The following ENTPD1 variants were observed in gnomAD, a reference collection of about 807,000 sequenced individuals.
ENTPD1 encodes the protein ectonucleoside triphosphate diphosphohydrolase 1, also known as ATP diphosphohydrolase.
A neutral mutation model predicts 57.0 loss-of-function variants in ENTPD1; 33 were observed. That is an observed-to-expected ratio of 0.58 (90% confidence interval 0.44 to 0.77). ENTPD1 has a LOEUF of 0.77. Ranked by LOEUF, ENTPD1 falls within the 30% of genes least tolerant of loss-of-function variation. The pLI is 0.00. For synonymous variants in ENTPD1, 202 were observed against 218.8 expected, an observed-to-expected ratio of 0.92 and a Z score of 0.68; for missense variants, 501 against 603.4, an observed-to-expected ratio of 0.83 and a Z score of 1.78.
chr10:95,710,839 C>T (rs1113881), upstream of ENTPD1, among the ~76,000 whole-genome samples: 127,893 of 152,162 alleles, frequency 0.84, 54,316 homozygotes, highest in Non-Finnish European at 0.91. Flanking sequence ...GCTGACTATA[C>T]ATTTGTTCTC....
At chr10:95,796,016 T>C (rs2098224594) in intron 1 of ENTPD1, among the ~76,000 whole-genome samples, 1 of 152,154 alleles carries the variant, frequency 6.6e-6, no homozygotes, top group Non-Finnish European at 1.5e-5. Context: ...GAAACTGAAG[T>C]TGAGGTTGCC....
chr10:95,731,161 G>A (rs752621209), intron 1 of ENTPD1, among the ~76,000 whole-genome samples: 11 of 152,162 alleles, frequency 7.2e-5, no homozygotes, highest in Non-Finnish European at 1.5e-4. Flanking sequence ...TAAATCTTGA[G>A]ACTTGAGAAT....
chr10:95,776,865 C>G (rs1589781488), intron 1 of ENTPD1, among the ~76,000 whole-genome samples: 1 of 152,312 alleles, frequency 6.6e-6, no homozygotes, highest in East Asian at 1.9e-4. Flanking sequence ...TTTCTCTTCT[C>G]ACTTCATTTC....
At chr10:95,855,692 A>T (rs948498010) in intron 7 of ENTPD1, among the ~76,000 whole-genome samples, 1 of 152,150 alleles carries the variant, frequency 6.6e-6, no homozygotes, top group African/African-American at 2.4e-5. Flanking sequence ...TCCTTCACTT[A>T]TGAAGCTTAG....
chr10:95,744,028 A>ATC (rs2139883645), intron 1 of ENTPD1, among the ~76,000 whole-genome samples: 1 of 139,776 alleles, frequency 7.2e-6, no homozygotes, highest in South Asian at 2.2e-4. Context: ...ATATATATAT[A>ATC]TATATATGCA....
chr10:95,712,848 C>CA (rs2097967171), intron 1 of ENTPD1, among the ~76,000 whole-genome samples: 1 of 152,106 alleles, frequency 6.6e-6, no homozygotes. Flanking sequence ...TCCTGGCTAA[C>CA]ACGATGAAAC....
In ENTPD1 at chr10:95,876,773, A is replaced by G. The variant is rs2098486188; in HGVS notation, c.*10390A>G. ...TGCCCATCACAGAACTTCACTGATTATCATCATTTAGCCAGTCTTGAAGAA... is the reference window on the plus strand; with the variant it reads ...TGCCCATCACAGAACTTCACTGATTGTCATCATTTAGCCAGTCTTGAAGAA... On this transcript the variant is annotated 3_prime_UTR_variant, in exon 10 of 10. Coordinates refer to ENST00000371205, the MANE Select transcript of ENTPD1 (RefSeq NM_001776.6). 1 of 573,626 alleles carries G rather than the reference A, an allele frequency of 1.7e-6. No individual in the cohort carries two copies. The highest frequency in any genetic ancestry group is 6.3e-4 in the Middle Eastern group (1 of 1,580). 35.5% of individuals were successfully genotyped at this position (573,626 alleles called of 1,614,324 possible). A position where few individuals can be genotyped will look rare whatever the true frequency, so the allele number is the denominator to read the frequency against.
At chr10:95,757,974 C>T (rs918487486) in intron 1 of ENTPD1, among the ~76,000 whole-genome samples, 11 of 132,338 alleles carry the variant, frequency 8.3e-5, no homozygotes, top group African/African-American at 3.2e-4. Context: ...CACTGCACTC[C>T]AGCCTGGGCG....
rs139794519 is a variant in ENTPD1 at position 95,832,533 on chromosome 10, CT to C, written c.145-7157del. 7.5e-3 allele frequency among the ~76,000 whole-genome samples: 1,140 copies of C among 152,286 alleles called. 12 individuals carry two copies. Among genetic ancestry groups the C allele is most frequent in the African/African-American group, 0.026 (1,071 of 41,554 alleles). On this transcript the variant is annotated intron_variant, in intron 2 of 9. Transcript: ENST00000371205. ...TCCCCACTTCCTTGTCTACTCGTAACTGAACACTGGCAGTTAGTGGTTGTCA... is the reference window on the plus strand; with the variant it reads ...TCCCCACTTCCTTGTCTACTCGTAACGAACACTGGCAGTTAGTGGTTGTCA...
At chr10:95,834,329 A>G (rs572852226) in intron 2 of ENTPD1, among the ~76,000 whole-genome samples, 1 of 152,230 alleles carries the variant, frequency 6.6e-6, no homozygotes. Flanking sequence ...CTGCATAAAT[A>G]TGTAATTACA....
intron 1 of ENTPD1, among the ~76,000 whole-genome samples, chr10:95,806,398 T>C (rs887637377): frequency 2.0e-5 from 3 of 152,014 alleles, no homozygotes; most frequent in African/African-American, 7.2e-5. Flanking sequence ...TTATCTAACC[T>C]AAGGTTTTTA....
chr10:95,784,606 C>T (rs909945178), intron 1 of ENTPD1, among the ~76,000 whole-genome samples: 3 of 152,182 alleles, frequency 2.0e-5, no homozygotes, highest in Non-Finnish European at 2.9e-5. Flanking sequence ...TGCCCACTGC[C>T]TTTGTCTTGC....
chr10:95,798,599 G>GA (rs1387208359), intron 1 of ENTPD1, among the ~76,000 whole-genome samples: 3 of 152,220 alleles, frequency 2.0e-5, no homozygotes, highest in East Asian at 1.9e-4. Flanking sequence ...CATTCCCAGA[G>GA]GTCAGTTCCA....
the ENTPD1 span, among the ~76,000 whole-genome samples, chr10:95,695,282 T>C: frequency 2.0e-5 from 3 of 152,326 alleles, no homozygotes; most frequent in South Asian, 4.1e-4. Flanking sequence ...ACAGTGGGAC[T>C]GTAGATGATC....
chr10:95,761,000 T>A (rs2098058847), intron 1 of ENTPD1, among the ~76,000 whole-genome samples: 1 of 151,944 alleles, frequency 6.6e-6, no homozygotes, highest in Admixed American at 6.6e-5. Flanking sequence ...CGGCTAATTT[T>A]TTGTAATTTT....
At chr10:95,754,526 A>G (rs764517549), upstream of ENTPD1, 5 of 152,072 alleles carry the variant, frequency 3.3e-5, no homozygotes, top group Non-Finnish European at 5.9e-5. Flanking sequence ...TTCGCACACT[A>G]TTTTGTGGAC....
intron 1 of ENTPD1, among the ~76,000 whole-genome samples, chr10:95,716,474 C>G (rs1451304321): frequency 6.6e-6 from 1 of 152,130 alleles, no homozygotes; most frequent in African/African-American, 2.4e-5. Flanking sequence ...CTTTAAAAGG[C>G]ATTTGAGTCA....
chr10:95,712,264 G>T (rs566691571), intron 1 of ENTPD1, among the ~76,000 whole-genome samples: 2 of 152,138 alleles, frequency 1.3e-5, no homozygotes, highest in Admixed American at 1.3e-4. Flanking sequence ...GGTAGGACAT[G>T]GGCCTAAACC....
At chr10:95,853,264 T>G (rs1414048892) in intron 7 of ENTPD1, among the ~76,000 whole-genome samples, 3 of 152,196 alleles carry the variant, frequency 2.0e-5, no homozygotes, top group Admixed American at 6.5e-5. Flanking sequence ...ACGCTTGTGG[T>G]TTTTGCACAT....
Sources: gnomAD v4.1 joint callset for allele counts (sites outside exome capture counted in the v4.1 genomes callset) on GRCh38, gnomAD v4.1.1 for gene constraint, MANE v1.5 for transcripts, NCBI Gene and HGNC (gene_info 2026-07-23, HGNC 2026-07-21) for gene names.